GUCA1C: variants seen among roughly 807,000 people sequenced by gnomAD.
GUCA1C encodes the protein guanylate cyclase activator 1C, also known as guanylyl cyclase-activating protein 3.
GUCA1C carries 15 observed loss-of-function variants against 16.2 expected under a neutral mutation model. The ratio of observed to expected loss-of-function variants is 0.93; its 90% CI spans 0.62 to 1.43. The LOEUF is 1.43. GUCA1C is among the 40% of genes most tolerant of loss of function. The probability of loss-of-function intolerance (pLI) is 0.00; values close to 1 mark genes in which losing one functional copy is unlikely to be tolerated. For synonymous variants in GUCA1C, 78 were observed against 85.4 expected, an observed-to-expected ratio of 0.91 and a Z score of 0.48; for missense variants, 275 against 244.8, an observed-to-expected ratio of 1.12 and a Z score of -0.82.
intron 1 of GUCA1C, among the ~76,000 whole-genome samples, chr3:108,937,525 C>A (rs1008354518): frequency 3.9e-5 from 6 of 152,150 alleles, no homozygotes; most frequent in African/African-American, 1.2e-4. Flanking sequence ...TGCTTCAAAT[C>A]TTAAGAATTT....
intron 1 of GUCA1C, among the ~76,000 whole-genome samples, chr3:108,931,745 G>A (rs925769852): frequency 6.6e-6 from 1 of 152,016 alleles, no homozygotes; most frequent in African/African-American, 2.4e-5. Context: ...TGGAGAGGGG[G>A]ATAATTATCA....
chr3:108,931,976 G>T lies in GUCA1C; in HGVS notation c.205-11391C>A, dbSNP rs145005851. Among the ~76,000 whole-genome samples the T allele has an allele frequency of 7.4e-3, 1,096 of 147,282 alleles. 14 individuals carry two copies. Among genetic ancestry groups the T allele is most frequent in the African/African-American group, 0.026 (1,024 of 39,944 alleles). Reference sequence around the variant, plus strand: ...ATGCCATTCTCCTGCTCAGCCTCCCGAGTAACTGGGACTACAGGCGCCCAC... The same window carrying T: ...ATGCCATTCTCCTGCTCAGCCTCCCTAGTAACTGGGACTACAGGCGCCCAC... On this transcript the variant is annotated intron_variant, in intron 1 of 3. Transcript: ENST00000261047.
intron 1 of GUCA1C, among the ~76,000 whole-genome samples, chr3:108,938,176 T>C (rs747896842): frequency 1.3e-5 from 2 of 152,122 alleles, no homozygotes; most frequent in African/African-American, 2.4e-5. Flanking sequence ...CCAACAAAAA[T>C]TCACTGAACT....
chr3:108,937,085 C>G (rs1388013912), intron 1 of GUCA1C, among the ~76,000 whole-genome samples: 2 of 152,188 alleles, frequency 1.3e-5, no homozygotes, highest in Admixed American at 6.5e-5. Flanking sequence ...TTCCCAAATG[C>G]CCTTCCAAGG....
intron 1 of GUCA1C, among the ~76,000 whole-genome samples, chr3:108,932,906 GAAA>G (rs751468692): frequency 1.2e-5 from 1 of 85,576 alleles, no homozygotes; most frequent in Non-Finnish European, 2.2e-5. Flanking sequence ...TGGGCCACAA[GAAA>G]AAAAAAAAAA....
intron 1 of GUCA1C, among the ~76,000 whole-genome samples, chr3:108,940,609 A>G (rs149127334): frequency 6.6e-6 from 1 of 152,380 alleles, no homozygotes; most frequent in African/African-American, 2.4e-5. Context: ...TGTCCAAAGC[A>G]TTAAGAAAAA....
At chr3:108,932,346 A>T (rs71321276) in intron 1 of GUCA1C, among the ~76,000 whole-genome samples, 1 of 150,560 alleles carries the variant, frequency 6.6e-6, no homozygotes, top group African/African-American at 2.5e-5. Flanking sequence ...AAAACAAAAA[A>T]AAAAAACAGC....
At chr3:108,939,518 G>A (rs1341297838) in intron 1 of GUCA1C, among the ~76,000 whole-genome samples, 3 of 151,098 alleles carry the variant, frequency 2.0e-5, no homozygotes, top group Admixed American at 6.6e-5. Context: ...GTAGAGACAG[G>A]GTTTCACCAT....
intron 2 of GUCA1C, 93 bp from the exon 3 acceptor site, chr3:108,916,307 G>A (rs1284572005): frequency 2.3e-5 from 28 of 1,204,014 alleles, no homozygotes; most frequent in Non-Finnish European, 3.2e-5. Context: ...ATTTGGGGAT[G>A]TGTTGTCGGT....
At position 108,916,218 on chromosome 3, in the gene GUCA1C, C is replaced by CA. The variant is rs760312595; in HGVS notation, c.355-5dup. ...GGCCATTGAGGGCTTGTACCGCCTG[C>CA]AAAAAGACATTAAATGAAAGAGGTC... On this transcript the variant is annotated splice_region_variant and splice_polypyrimidine_tract_variant and intron_variant, in intron 2 of 3. Transcript: ENST00000261047. The CA allele has an allele frequency of 5.6e-6, 9 of 1,601,786 alleles. No homozygotes were observed. Among genetic ancestry groups the CA allele is most frequent in the Middle Eastern group, 1.7e-4 (1 of 5,974 alleles).
intron 1 of GUCA1C, among the ~76,000 whole-genome samples, chr3:108,934,108 A>G (rs993758612): frequency 6.6e-6 from 1 of 152,064 alleles, no homozygotes; most frequent in Admixed American, 6.5e-5. Context: ...GTTCTCACTC[A>G]TAAGTGGGAG....
At position 108,941,746 on chromosome 3, in the gene GUCA1C, G is replaced by C. The variant is rs188623856; in HGVS notation, c.204+11813C>G. Among the ~76,000 whole-genome samples the C allele has an allele frequency of 1.6e-3, 249 of 152,324 alleles. 1 individual carries two copies. The highest frequency in any genetic ancestry group is 2.6e-3 in the Non-Finnish European group (180 of 68,030). ...ACCTTCACACCTATTACAGCAACAAGAAGTTGGACCAGAAGCTGGAGGTAT... is the reference window on the plus strand; with the variant it reads ...ACCTTCACACCTATTACAGCAACAACAAGTTGGACCAGAAGCTGGAGGTAT... On this transcript the variant is annotated intron_variant, in intron 1 of 3. Transcript: ENST00000261047.
In GUCA1C at chr3:108,908,201, T is replaced by G. The variant is rs757566635; in HGVS notation, c.451A>C (p.Thr151Pro). ...ATGCCATTGATAAATTCTTCTAAAG[T>G]CAATTCCCCTGGAAAATAATAAACA... ...KIDINNDGELTLEEFINGMAK... is the reference protein window; with the variant it reads ...KIDINNDGELPLEEFINGMAK... Residue 151 changes from threonine (T) to proline (P), a missense_variant, in exon 4 of 4, where the codon ACT becomes CCT. Physicochemically the swap from Thr to Pro is conservative, Grantham distance 38 (BLOSUM62 -1). Coordinates refer to ENST00000261047, the MANE Select transcript of GUCA1C (RefSeq NM_005459.4). 2 of 1,610,056 alleles carry G rather than the reference T, an allele frequency of 1.2e-6. No individual in the cohort carries two copies. Among genetic ancestry groups the G allele is most frequent in the Non-Finnish European group, 1.7e-6 (2 of 1,176,506 alleles).
chr3:108,926,092 A>T (rs1054831127), intron 1 of GUCA1C, among the ~76,000 whole-genome samples: 1 of 152,154 alleles, frequency 6.6e-6, no homozygotes, highest in Admixed American at 6.5e-5. Context: ...ATCTCAAAAA[A>T]AAAAAATTGG....
chr3:108,931,932 A>G (rs1388945376), intron 1 of GUCA1C, among the ~76,000 whole-genome samples: 2 of 143,602 alleles, frequency 1.4e-5, no homozygotes, highest in Non-Finnish European at 1.5e-5. Flanking sequence ...GCAGTAGTGC[A>G]ATCTGGCCTC....
intron 1 of GUCA1C, among the ~76,000 whole-genome samples, chr3:108,921,537 C>T (rs564843652): frequency 2.0e-5 from 3 of 152,138 alleles, no homozygotes; most frequent in African/African-American, 7.2e-5. Flanking sequence ...GTAGTTGAAC[C>T]ATTTTACATT....
intron 1 of GUCA1C, among the ~76,000 whole-genome samples, chr3:108,924,679 C>G (rs966950401): frequency 6.6e-6 from 1 of 152,082 alleles, no homozygotes; most frequent in African/African-American, 2.4e-5. Context: ...AGGATTCCCT[C>G]TTTCTCTAGC....
intron 1 of GUCA1C, among the ~76,000 whole-genome samples, chr3:108,932,789 C>T (rs74747577): frequency 0.4 from 59,925 of 151,236 alleles, 12,068 homozygotes; most frequent in Non-Finnish European, 0.43. Flanking sequence ...GGCGTGGCGG[C>T]GCATGCCTGT....
chr3:108,911,027 G>C (rs963757338), intron 3 of GUCA1C, among the ~76,000 whole-genome samples: 1 of 152,098 alleles, frequency 6.6e-6, no homozygotes, highest in Non-Finnish European at 1.5e-5. Flanking sequence ...TATGTAATTG[G>C]AATCTACGTT....
Sources: gnomAD v4.1 joint callset for allele counts (sites outside exome capture counted in the v4.1 genomes callset) on GRCh38, gnomAD v4.1.1 for gene constraint, MANE v1.5 for transcripts, NCBI Gene and HGNC (gene_info 2026-07-23, HGNC 2026-07-21) for gene names.